Variants in IPO11 observed in about 807,000 individuals in gnomAD.
IPO11 encodes the protein importin 11, also known as importin-11.
In IPO11, 66 loss-of-function variants were observed where a neutral mutation model predicts 143.2. That is an observed-to-expected ratio of 0.46 (90% CI 0.38 to 0.57). The LOEUF (loss-of-function observed/expected upper bound fraction) is 0.57. Ranked by LOEUF, IPO11 falls within the 20% of genes least tolerant of loss-of-function variation. The pLI, the probability that IPO11 is intolerant of heterozygous loss-of-function variation, is 0.00. For missense variants in IPO11, 1,026 were observed against 1,141.0 expected, an observed-to-expected ratio of 0.90 and a Z score of 1.45; for synonymous variants, 385 against 377.8, an observed-to-expected ratio of 1.02 and a Z score of -0.22.
intron 29 of IPO11, among the ~76,000 whole-genome samples, chr5:62,617,384 GT>G (rs1746179570): frequency 6.6e-6 from 1 of 152,130 alleles, no homozygotes; most frequent in African/African-American, 2.4e-5. Context: ...TGGTTTTATA[GT>G]ATATTCTCTC....
At chr5:62,443,360 TTTC>T in intron 3 of IPO11, 1 of 300,722 alleles carries the variant, frequency 3.3e-6, no homozygotes, top group Non-Finnish European at 6.1e-6. Flanking sequence ...ATATTATTGT[TTTC>T]TTCATGGTTT....
At position 62,535,188 on chromosome 5, in the gene IPO11, C is replaced by T. The variant is rs1486037024; in HGVS notation, c.2090-1514C>T. Among the ~76,000 whole-genome samples the T allele has an allele frequency of 3.3e-5, 5 of 151,780 alleles. 1 individual carries two copies. The highest frequency in any genetic ancestry group is 6.6e-5 in the Admixed American group (1 of 15,230). On this transcript the variant is annotated intron_variant, in intron 22 of 29. Coordinates refer to ENST00000325324, the MANE Select transcript of IPO11 (RefSeq NM_016338.5). ...GTTTTTAAATATCTGTAGGAAGAGA[C>T]GGGCTCTTTTCTTTTTATATCAAGT...
At chr5:62,611,608 T>C (rs1461831143) in intron 29 of IPO11, among the ~76,000 whole-genome samples, 2 of 152,202 alleles carry the variant, frequency 1.3e-5, no homozygotes, top group East Asian at 1.9e-4. Context: ...ATCTCCCTTA[T>C]TTACTTGAAT....
At chr5:62,543,189 C>T (rs973198853) in intron 24 of IPO11, among the ~76,000 whole-genome samples, 8 of 152,116 alleles carry the variant, frequency 5.3e-5, no homozygotes, top group Non-Finnish European at 8.8e-5. Context: ...CAGTGTAGGC[C>T]TAAGTCAAGT....
At chr5:62,459,698 G>A (rs994752760) in intron 5 of IPO11, among the ~76,000 whole-genome samples, 3 of 152,024 alleles carry the variant, frequency 2.0e-5, no homozygotes, top group Non-Finnish European at 2.9e-5. Flanking sequence ...CTACAGGCGT[G>A]TGCCACCATG....
chr5:62,434,448 G>A (rs866340707), intron 1 of IPO11, among the ~76,000 whole-genome samples: 3 of 151,990 alleles, frequency 2.0e-5, no homozygotes, highest in Non-Finnish European at 2.9e-5. Context: ...GACTACAAGT[G>A]CACACCACAC....
chr5:62,578,144 G>A (rs1744390628), intron 27 of IPO11, among the ~76,000 whole-genome samples: 1 of 152,002 alleles, frequency 6.6e-6, no homozygotes, highest in South Asian at 2.1e-4. Context: ...CAGTAAGTTG[G>A]TATGCAGCTT....
At position 62,591,600 on chromosome 5, in the gene IPO11, G is replaced by A. The variant is rs2112428096; in HGVS notation, c.2606G>A (p.Gly869Glu). ...AGTGTTATCCAAGATAAATTCTGTGGGATTATAAACATTTCAGTAGAAGGC... is the reference window on the plus strand; with the variant it reads ...AGTGTTATCCAAGATAAATTCTGTGAGATTATAAACATTTCAGTAGAAGGC... ...DNSVIQDKFCGIINISVEGLH... is the reference protein window; with the variant it reads ...DNSVIQDKFCEIINISVEGLH... The change falls in exon 28 of 30, where the codon GGG becomes GAG. Residue 869 changes from glycine to glutamate, a missense_variant. By Grantham distance (98) the Gly-to-Glu change is moderately conservative. This residue lies in a region of IPO11 where 351 missense variants were observed against 358.9 expected (regional missense o/e 0.98). Coordinates refer to ENST00000325324, the MANE Select transcript of IPO11 (RefSeq NM_016338.5). The A allele has an allele frequency of 6.2e-7, 1 of 1,601,520 alleles. No homozygotes were observed. The highest frequency in any genetic ancestry group is 8.5e-7 in the Non-Finnish European group (1 of 1,174,830).
chr5:62,469,540 C>T (rs930539089), intron 6 of IPO11, among the ~76,000 whole-genome samples: 2 of 152,120 alleles, frequency 1.3e-5, no homozygotes, highest in African/African-American at 4.8e-5. Context: ...CTGTCACCAT[C>T]CTTATTGTTG....
At chr5:62,599,421 G>A (rs937791365) in intron 28 of IPO11, among the ~76,000 whole-genome samples, 2 of 152,098 alleles carry the variant, frequency 1.3e-5, no homozygotes, top group African/African-American at 4.8e-5. Flanking sequence ...AAATTTTGAG[G>A]AAAAATACTG....
intron 29 of IPO11, among the ~76,000 whole-genome samples, chr5:62,612,582 C>G (rs925406117): frequency 2.0e-5 from 3 of 152,082 alleles, no homozygotes; most frequent in Admixed American, 2.0e-4. Context: ...ATTTTTCTCA[C>G]TAAAGAGATA....
In IPO11 at chr5:62,498,802, G is replaced by A. The variant is rs542954124; in HGVS notation, c.1590+4678G>A. Among the ~76,000 whole-genome samples, 9 of 152,252 alleles carry A rather than the reference G, an allele frequency of 5.9e-5. No individual in the cohort carries two copies. In the South Asian group the frequency reaches 8.3e-4, roughly 14 times the overall value. ...GGAGAATTGCTTGAATCTGGCAGGT[G>A]GAGGTTGCAGTGAGCCGAGATCAAA... On this transcript the variant is annotated intron_variant, in intron 16 of 29. Transcript: ENST00000325324.
In IPO11 at chr5:62,497,989, G is replaced by A. The variant is rs181788038; in HGVS notation, c.1590+3865G>A. On this transcript the variant is annotated intron_variant, in intron 16 of 29. Transcript: ENST00000325324. ...TTCTGGAATTTGTGCCGTTTCACTG[G>A]CCTACTTGTGTATCTCTACTTGAAT... 3.6e-3 allele frequency among the ~76,000 whole-genome samples: 549 copies of A among 151,934 alleles called. 2 individuals are homozygous for A. The highest frequency in any genetic ancestry group is 0.012 in the African/African-American group (517 of 41,452).
At chr5:62,571,699 T>G (rs1043406534) in intron 27 of IPO11, among the ~76,000 whole-genome samples, 2 of 151,890 alleles carry the variant, frequency 1.3e-5, no homozygotes, top group Non-Finnish European at 2.9e-5. Context: ...TTTTTTTTTT[T>G]TTTTTTGAGA....
intron 28 of IPO11, 89 bp from the exon 29 acceptor site, chr5:62,601,675 A>G: frequency 1.8e-6 from 1 of 566,068 alleles, no homozygotes. Context: ...ACATAGAATT[A>G]TTCATGTTCT....
chr5:62,454,077 G>T (rs900767542), intron 5 of IPO11, among the ~76,000 whole-genome samples: 7 of 152,172 alleles, frequency 4.6e-5, no homozygotes, highest in Non-Finnish European at 1.0e-4. Flanking sequence ...GGAGCTTGCA[G>T]TGAGCCGAGA....
chr5:62,510,461 A>G (rs547754170), intron 19 of IPO11, among the ~76,000 whole-genome samples: 3 of 152,314 alleles, frequency 2.0e-5, no homozygotes, highest in African/African-American at 7.2e-5. Context: ...TGCAGACATC[A>G]TGATACTCTC....
At chr5:62,588,126 A>G (rs1306695113) in intron 27 of IPO11, among the ~76,000 whole-genome samples, 1 of 152,090 alleles carries the variant, frequency 6.6e-6, no homozygotes, top group Non-Finnish European at 1.5e-5. Flanking sequence ...ATGCACTTCC[A>G]CTTCAACCAC....
chr5:62,424,186 C>G (rs1343917725), intron 1 of IPO11, among the ~76,000 whole-genome samples: 1 of 151,296 alleles, frequency 6.6e-6, no homozygotes, highest in East Asian at 2.0e-4. Context: ...GTCGCTCAGG[C>G]TGGAGTGCAG....
Sources: allele counts gnomAD v4.1 joint callset (sites outside exome capture counted in the v4.1 genomes callset), GRCh38; gene constraint gnomAD v4.1.1; regional missense constraint gnomAD v4.1.1; transcripts MANE v1.5; gene names NCBI Gene and HGNC (gene_info 2026-07-23, HGNC 2026-07-21).